Variants in P4HA3 observed in about 807,000 individuals in gnomAD.
P4HA3 encodes prolyl 4-hydroxylase subunit alpha 3, also known as prolyl 4-hydroxylase subunit alpha-3.
P4HA3 carries 60 observed loss-of-function variants against 66.7 expected under a neutral mutation model. That is an observed-to-expected ratio of 0.90 (90% confidence interval 0.73 to 1.12). The LOEUF (loss-of-function observed/expected upper bound fraction) is 1.12. Among genes scored for constraint, P4HA3 ranks in the 50% most tolerant of loss-of-function variants. The pLI is 0.00. For missense variants in P4HA3, 683 were observed against 685.8 expected, an observed-to-expected ratio of 1.00 and a Z score of 0.05; for synonymous variants, 263 against 274.6, an observed-to-expected ratio of 0.96 and a Z score of 0.42.
intron 14 of P4HA3, among the ~76,000 whole-genome samples, chr11:74,261,016 C>A (rs906355994): frequency 6.6e-6 from 1 of 152,324 alleles, no homozygotes; most frequent in South Asian, 2.1e-4. Flanking sequence ...AGACCTGCCT[C>A]TAGAGGTGCC....
downstream of P4HA3, among the ~76,000 whole-genome samples, chr11:74,263,454 A>G (rs557793053): frequency 6.6e-6 from 1 of 152,354 alleles, no homozygotes; most frequent in Admixed American, 6.5e-5. Flanking sequence ...TGACAGCAAA[A>G]TAACATGGAA....
intron 4 of P4HA3, 105 bp downstream of exon 4, chr11:74,298,107 G>A: frequency 1.4e-6 from 2 of 1,397,952 alleles, no homozygotes; most frequent in South Asian, 1.5e-5. Flanking sequence ...GTCCTATTGG[G>A]AAGATGAAAC....
At chr11:74,282,570 G>T (rs1323947360) in intron 7 of P4HA3, among the ~76,000 whole-genome samples, 1 of 152,196 alleles carries the variant, frequency 6.6e-6, no homozygotes, top group Non-Finnish European at 1.5e-5. Context: ...CAGCAGCCAG[G>T]CCATGGAGAC....
intron 7 of P4HA3, among the ~76,000 whole-genome samples, chr11:74,280,587 G>A (rs1485669020): frequency 6.6e-6 from 1 of 152,192 alleles, no homozygotes; most frequent in African/African-American, 2.4e-5. Flanking sequence ...GCTCATGAGG[G>A]CAAGGACTTG....
At chr11:74,265,303 C>A (rs943037384), downstream of P4HA3, among the ~76,000 whole-genome samples, 1 of 152,138 alleles carries the variant, frequency 6.6e-6, no homozygotes, top group African/African-American at 2.4e-5. Context: ...TTTCCAGAAT[C>A]CTGGTGTGCT....
downstream of P4HA3, among the ~76,000 whole-genome samples, chr11:74,262,879 A>G (rs1325911544): frequency 6.6e-6 from 1 of 152,198 alleles, no homozygotes; most frequent in Non-Finnish European, 1.5e-5. Flanking sequence ...ATTACTGGAC[A>G]AGAGTCCCCC....
chr11:74,292,723 C>A (rs539365334), intron 4 of P4HA3, among the ~76,000 whole-genome samples: 6,041 of 152,204 alleles, frequency 0.04, 126 homozygotes, highest in Middle Eastern at 0.11. Context: ...CATTCAGGAG[C>A]AGGTTGTTCA....
chr11:74,270,553 A>G (rs1860160315), intron 10 of P4HA3, among the ~76,000 whole-genome samples: 1 of 152,164 alleles, frequency 6.6e-6, no homozygotes, highest in South Asian at 2.1e-4. Context: ...GATAGTTGAC[A>G]TTTATTGGGC....
chr11:74,252,477 C>T (rs1004136562), intron 15 of P4HA3: 18 of 456,356 alleles, frequency 3.9e-5, no homozygotes, highest in South Asian at 2.6e-4. Context: ...ATGGGTGCCT[C>T]TGCCAGGCTT....
At chr11:74,279,579 G>A in intron 7 of P4HA3, 127 bp from the exon 8 acceptor site, 1 of 864,762 alleles carries the variant, frequency 1.2e-6, no homozygotes, top group Non-Finnish European at 1.9e-6. Context: ...TTAATTAGAG[G>A]ACATTTTGCA....
intron 1 of P4HA3, among the ~76,000 whole-genome samples, chr11:74,306,977 G>A (rs1861599379): frequency 1.3e-5 from 2 of 152,118 alleles, no homozygotes; most frequent in South Asian, 4.2e-4. Context: ...GGCTCCGTAT[G>A]GAACTACTTA....
chr11:74,288,247 G>C (rs548793787), intron 5 of P4HA3, among the ~76,000 whole-genome samples: 59 of 152,288 alleles, frequency 3.9e-4, no homozygotes, highest in Non-Finnish European at 7.5e-4. Flanking sequence ...TCCCTGAAGG[G>C]GGGTGATGCT....
chr11:74,269,601 TA>T, intron 11 of P4HA3, 50 bp downstream of exon 11: 1 of 1,559,796 alleles, frequency 6.4e-7, no homozygotes, highest in Non-Finnish European at 8.8e-7. Context: ...GGTTAGAGGG[TA>T]AGCGCTGCAC....
intron 1 of P4HA3, 168 bp downstream of exon 1, chr11:74,311,244 T>TG (rs1861733128): frequency 1.2e-6 from 1 of 807,844 alleles, no homozygotes; most frequent in Admixed American, 4.0e-5. Context: ...TCAGAGCCAC[T>TG]CCCCACCCCA....
chr11:74,258,545 G>A lies in P4HA3; in HGVS notation c.*1318+1378C>T, dbSNP rs571228812. 2.0e-5 allele frequency among the ~76,000 whole-genome samples: 3 copies of A among 152,242 alleles called. No homozygotes were observed. The East Asian group carries it at 5.8e-4, about 29-fold the overall frequency. ...AGTGCCTCCTACAGATGAGGAATTCGAGGGTCTGACAAGGAAAGTGATTTG... is the reference window on the plus strand; with the variant it reads ...AGTGCCTCCTACAGATGAGGAATTCAAGGGTCTGACAAGGAAAGTGATTTG... On this transcript the variant is annotated intron_variant and NMD_transcript_variant, in intron 15 of 15. Coordinates refer to the P4HA3 transcript ENST00000524388.
chr11:74,305,259 G>C (rs1451153337), intron 1 of P4HA3, among the ~76,000 whole-genome samples: 1 of 152,146 alleles, frequency 6.6e-6, no homozygotes, highest in Non-Finnish European at 1.5e-5. Context: ...TCCAAGAAGA[G>C]ATGGCATGTG....
intron 14 of P4HA3, among the ~76,000 whole-genome samples, chr11:74,261,239 C>T (rs1859901787): frequency 6.6e-6 from 1 of 152,186 alleles, no homozygotes; most frequent in African/African-American, 2.4e-5. Flanking sequence ...CTCTATCTCT[C>T]TCTGCCTGGG....
At chr11:74,275,299 T>G (rs940779454) in intron 9 of P4HA3, among the ~76,000 whole-genome samples, 24 of 152,212 alleles carry the variant, frequency 1.6e-4, no homozygotes, top group African/African-American at 5.8e-4. Flanking sequence ...CTTCTAGAAG[T>G]TTTATAGTTT....
intron 15 of P4HA3, chr11:74,252,401 G>A (rs367938785): frequency 2.4e-5 from 11 of 454,162 alleles, no homozygotes; most frequent in African/African-American, 2.2e-4. Flanking sequence ...CTGGCCTAGA[G>A]CAGGGTTTTC....
Sources: allele counts gnomAD v4.1 joint callset (sites outside exome capture counted in the v4.1 genomes callset), GRCh38; gene constraint gnomAD v4.1.1; transcripts MANE v1.5; gene names NCBI Gene and HGNC (gene_info 2026-07-23, HGNC 2026-07-21).